The following MYO9A variants were observed in gnomAD, a reference collection of about 807,000 sequenced individuals.
MYO9A encodes the protein myosin IXA.
In MYO9A, 103 loss-of-function variants were observed where a neutral mutation model predicts 293.3. That is an observed-to-expected ratio of 0.35 (90% confidence interval 0.30 to 0.41). The LOEUF (loss-of-function observed/expected upper bound fraction) is 0.41. MYO9A is among the 10% of genes least tolerant of loss of function. The pLI is 1.00. For missense variants in MYO9A, 2,685 were observed against 3,033.0 expected, an observed-to-expected ratio of 0.89 and a Z score of 2.69; for synonymous variants, 1,001 against 1,035.7, an observed-to-expected ratio of 0.97 and a Z score of 0.64.
At chr15:71,981,444 T>A (rs1234697142) in intron 11 of MYO9A, among the ~76,000 whole-genome samples, 1 of 152,244 alleles carries the variant, frequency 6.6e-6, no homozygotes, top group Non-Finnish European at 1.5e-5. Flanking sequence ...AATTACATAT[T>A]CAATGTCATT....
rs185532756 is a variant in MYO9A, at chr15:71,891,376, C to T, written c.5142+2303G>A. On this transcript the variant is annotated intron_variant, in intron 26 of 41. Transcript: ENST00000356056. ...TCCCAGTGTAAAAGAAGTCTATCACCAAAAGGACTAAGGGTTGTTACAAAG... is the reference window on the plus strand; with the variant it reads ...TCCCAGTGTAAAAGAAGTCTATCACTAAAAGGACTAAGGGTTGTTACAAAG... 14 of 152,232 alleles carry T rather than the reference C, an allele frequency of 9.2e-5. No homozygotes were observed. The East Asian group carries it at 2.5e-3, about 27-fold the overall frequency. The allele number at this position is 152,232 out of a possible 1,614,324, so 9.4% of individuals were successfully genotyped here. A position where few individuals can be genotyped will look rare whatever the true frequency, so the allele number is the denominator to read the frequency against.
At chr15:71,850,825 C>T (rs1300103130) in intron 37 of MYO9A, among the ~76,000 whole-genome samples, 1 of 103,012 alleles carries the variant, frequency 9.7e-6, no homozygotes, top group African/African-American at 3.8e-5. Context: ...AGGCTTTAAC[C>T]AAAAATAAAG....
intron 4 of MYO9A, among the ~76,000 whole-genome samples, chr15:72,021,999 T>C (rs1303666057): frequency 1.3e-5 from 2 of 152,164 alleles, no homozygotes; most frequent in African/African-American, 4.8e-5. Flanking sequence ...AGTGAGAGAC[T>C]TACTTATTGT....
At chr15:71,860,969 C>CAAAAAAAAAAAAAAAAAAA (rs61030744) in intron 33 of MYO9A, among the ~76,000 whole-genome samples, 20 of 32,418 alleles carry the variant, frequency 6.2e-4, no homozygotes, top group East Asian at 3.0e-3. Flanking sequence ...TCCATCTCAC[C>CAAAAAAAAAAAAAAAAAAA]AAAAAAAAAA....
chr15:72,018,512 T>G (rs1262234532), intron 6 of MYO9A, among the ~76,000 whole-genome samples: 1 of 152,082 alleles, frequency 6.6e-6, no homozygotes, highest in East Asian at 1.9e-4. Context: ...TCAATACTTA[T>G]TTTTGGATAA....
intron 18 of MYO9A, among the ~76,000 whole-genome samples, chr15:71,930,924 C>T (rs904567890): frequency 6.6e-6 from 1 of 152,158 alleles, no homozygotes; most frequent in South Asian, 2.1e-4. Context: ...TTTATGCTTA[C>T]AAAAACTAAA....
At chr15:71,851,087 G>C (rs56092909) in intron 37 of MYO9A, among the ~76,000 whole-genome samples, 166 bp downstream of exon 37, 13 of 152,152 alleles carry the variant, frequency 8.5e-5, no homozygotes. Context: ...CAGCTCAGCT[G>C]AATATTTCTG....
rs1219456010 is a variant in MYO9A, at chr15:71,897,479, T to A, written c.5024A>T (p.Asp1675Val). Residue 1675 changes from aspartate to valine, a missense_variant, in exon 25 of 42, where the codon GAC becomes GTC. By Grantham distance (152) the Asp-to-Val change is radical. Transcript: ENST00000356056. ...CACTTACAGGGGAATACTCATATTGTCCTTTGGAGTGAAGAAAATGGGCCT... is the reference window on the plus strand; with the variant it reads ...CACTTACAGGGGAATACTCATATTGACCTTTGGAGTGAAGAAAATGGGCCT... ...NARPIFFTPK[D>V]NMSIPLVSKE... 16 of 1,611,372 alleles carry A rather than the reference T, an allele frequency of 9.9e-6. No homozygotes were observed. The highest frequency in any genetic ancestry group is 1.4e-5 in the Non-Finnish European group (16 of 1,178,412).
intron 14 of MYO9A, among the ~76,000 whole-genome samples, chr15:71,952,233 G>C (rs2059068547): frequency 6.6e-6 from 1 of 151,990 alleles, no homozygotes; most frequent in Non-Finnish European, 1.5e-5. Flanking sequence ...ATTTTTATCA[G>C]GTCTCAAATA....
chr15:72,040,778 A>C (rs1023329011), intron 2 of MYO9A, among the ~76,000 whole-genome samples: 3 of 152,224 alleles, frequency 2.0e-5, no homozygotes, highest in Non-Finnish European at 4.4e-5. Context: ...AAACAAAAAA[A>C]TAAAGAATAA....
intron 19 of MYO9A, among the ~76,000 whole-genome samples, chr15:71,911,887 A>G (rs2144520617): frequency 6.6e-6 from 1 of 152,378 alleles, no homozygotes; most frequent in Non-Finnish European, 1.5e-5. Flanking sequence ...ATTTACCACA[A>G]AAGGCTGAAA....
Position 72,112,324 on chromosome 15 carries a change from C to T in MYO9A, c.-72+5356G>A, listed in dbSNP as rs150426896. The stretch of plus-strand genomic sequence containing the variant: ...CATGTAAAATTACACTTCAGTTGCC[C>T]GCTGGATGACCCCACTGCCAAAATA... On this transcript the variant is annotated intron_variant, in intron 1 of 41. Transcript: ENST00000356056. Among the ~76,000 whole-genome samples the T allele has an allele frequency of 8.9e-3, 1,360 of 152,264 alleles. 18 individuals carry two copies. The highest frequency in any genetic ancestry group is 0.011 in the Admixed American group (162 of 15,300).
chr15:72,045,472 G>C (rs530648522), intron 2 of MYO9A: 21 of 269,756 alleles, frequency 7.8e-5, no homozygotes, highest in Non-Finnish European at 1.3e-4. Context: ...CTCCATGTTG[G>C]TCAGGCTGGT....
At chr15:72,097,385 AT>A (rs1265668926) in intron 1 of MYO9A, among the ~76,000 whole-genome samples, 3 of 152,188 alleles carry the variant, frequency 2.0e-5, no homozygotes, top group African/African-American at 7.2e-5. Flanking sequence ...GACCGTTAGC[AT>A]TTTTTTAATA....
chr15:71,972,033 A>C (rs1438669976), intron 12 of MYO9A, among the ~76,000 whole-genome samples: 1 of 152,102 alleles, frequency 6.6e-6, no homozygotes, highest in African/African-American at 2.4e-5. Flanking sequence ...GTCCCTCCCC[A>C]TATTCTGAAA....
chr15:71,831,466 T>C (rs770842363), intron 39 of MYO9A, among the ~76,000 whole-genome samples: 31 of 152,260 alleles, frequency 2.0e-4, no homozygotes, highest in Middle Eastern at 3.4e-3. Flanking sequence ...CACTCAATGG[T>C]GTGGGTTGCT....
Position 72,117,890 on chromosome 15 carries a change from T to A in MYO9A, c.-282A>T, listed in dbSNP as rs1379197220. On this transcript the variant is annotated 5_prime_UTR_variant, in exon 1 of 42. Transcript: ENST00000356056. Reference sequence around the variant, plus strand: ...CCTGTCAGAGAGACTCCGCCCGGCCTGAGCAGGCACATCCCCCGCCGCACC... The same window carrying A: ...CCTGTCAGAGAGACTCCGCCCGGCCAGAGCAGGCACATCCCCCGCCGCACC... 5.0e-6 allele frequency: 2 copies of A among 398,030 alleles called. No individual in the cohort carries two copies. Among genetic ancestry groups the A allele is most frequent in the African/African-American group, 2.1e-5 (1 of 48,462 alleles). The allele number at this position is 398,030 out of a possible 1,614,324, so 24.7% of individuals were successfully genotyped here. A position where few individuals can be genotyped will look rare whatever the true frequency, so the allele number is the denominator to read the frequency against.
intron 15 of MYO9A, among the ~76,000 whole-genome samples, chr15:71,948,412 T>C (rs928635535): frequency 5.3e-5 from 8 of 152,298 alleles, no homozygotes; most frequent in African/African-American, 1.9e-4. Context: ...ATGAATGGCT[T>C]ATATAGTTTT....
In MYO9A at chr15:71,898,483, T is replaced by C. The variant is rs759334811; in HGVS notation, c.4020A>G (p.Gln1340=). The change falls in exon 25 of 42, where the codon CAA becomes CAG. Residue 1340 remains glutamine (Q), a synonymous_variant. Coordinates refer to ENST00000356056, the MANE Select transcript of MYO9A (RefSeq NM_006901.4). ...SLELLSYEES[Q]KSKLESVISD... Reference sequence around the variant, plus strand: ...AAATGACAGACTCTAGTTTGCTCTTTTGGCTTTCCTCATAGCTCAGAAGTT... The same window carrying C: ...AAATGACAGACTCTAGTTTGCTCTTCTGGCTTTCCTCATAGCTCAGAAGTT... 3.7e-6 allele frequency: 6 copies of C among 1,614,048 alleles called. No homozygotes were observed. Among genetic ancestry groups the C allele is most frequent in the African/African-American group, 1.3e-5 (1 of 75,048 alleles).
Sources: allele counts gnomAD v4.1 joint callset (sites outside exome capture counted in the v4.1 genomes callset), GRCh38; gene constraint gnomAD v4.1.1; transcripts MANE v1.5; gene names NCBI Gene and HGNC (gene_info 2026-07-23, HGNC 2026-07-21).